The following ATAD3C variants were observed in gnomAD, a reference collection of about 807,000 sequenced individuals.
ATAD3C encodes ATPase family AAA domain containing 3C.
ATAD3C carries 38 observed loss-of-function variants against 46.3 expected under a neutral mutation model. That is an observed-to-expected ratio of 0.82 (90% CI 0.63 to 1.08). The LOEUF (loss-of-function observed/expected upper bound fraction) is 1.08. Among genes scored for constraint, ATAD3C ranks in the 50% least tolerant of loss-of-function variants. The pLI is 0.00. For synonymous variants in ATAD3C, 220 were observed against 236.4 expected (o/e 0.93, Z 0.63); for missense variants, 563 against 572.7 (o/e 0.98, Z 0.17).
At chr1:1,461,726 T>TCCTCATGAGACCCCCATGTGGGGAC (rs1557780623) in intron 10 of ATAD3C, among the ~76,000 whole-genome samples, 3 of 109,676 alleles carry the variant, frequency 2.7e-5, no homozygotes, top group East Asian at 4.3e-4. Context: ...CATGTAGGGA[T>TCCTCATGAGACCCCCATGTGGGGAC]TGGAGGGAGA....
At chr1:1,461,792 C>G (rs1162612610) in intron 10 of ATAD3C, among the ~76,000 whole-genome samples, 1 of 152,098 alleles carries the variant, frequency 6.6e-6, no homozygotes, top group Non-Finnish European at 1.5e-5. Context: ...TCATGGTCCA[C>G]TGCTGGCTTC....
chr1:1,455,800 G>A lies in ATAD3C; in HGVS notation c.448G>A (p.Glu150Lys). The A allele has an allele frequency of 1.2e-6, 2 of 1,613,376 alleles. No individual in the cohort carries two copies. The highest frequency in any genetic ancestry group is 1.7e-6 in the Non-Finnish European group (2 of 1,179,680). The change falls in exon 6 of 12, where the codon GAA becomes AAA. Residue 150 changes from glutamate (E) to lysine (K), a missense_variant. Physicochemically the swap from Glu to Lys is moderately conservative, Grantham distance 56. This residue lies in a region of ATAD3C where 263 missense variants were observed against 243.1 expected (regional missense o/e 1.08). Transcript: ENST00000378785. Reference sequence around the variant, plus strand: ...CTGTCTTCCTCGGCAGCCCAGCCTGGAAGCACGGGTGCGCGACATCGCCAT... The same window carrying A: ...CTGTCTTCCTCGGCAGCCCAGCCTGAAAGCACGGGTGCGCGACATCGCCAT... ...LEGVVLSPSL[E>K]ARVRDIAIMT...
rs937021905 is a variant in ATAD3C at position 1,450,344 on chromosome 1, A to C, written c.-340A>C. 3 of 234,826 alleles carry C rather than the reference A, an allele frequency of 1.3e-5. No individual in the cohort carries two copies. The highest frequency in any genetic ancestry group is 4.7e-5 in the African/African-American group (2 of 42,718). The allele number at this position is 234,826 out of a possible 1,614,324, so 14.5% of individuals were successfully genotyped here. A position where few individuals can be genotyped will look rare whatever the true frequency, so the allele number is the denominator to read the frequency against. ...TCTCAAAAAAAAAAAAAAAAAAAGCATGTGTAACGTGAAAAAATGGACACT... is the reference window on the plus strand; with the variant it reads ...TCTCAAAAAAAAAAAAAAAAAAAGCCTGTGTAACGTGAAAAAATGGACACT... On this transcript the variant is annotated 5_prime_UTR_variant, in exon 1 of 12. It removes an upstream start codon present in the reference 5' UTR. Transcript: ENST00000378785.
Position 1,463,083 on chromosome 1 carries a change from G to C in ATAD3C, c.1089+375G>C, listed in dbSNP as rs190887792. Among the ~76,000 whole-genome samples the C allele has an allele frequency of 1.2e-3, 177 of 152,182 alleles. 3 individuals carry two copies. Among genetic ancestry groups the C allele is most frequent in the Non-Finnish European group, 6.3e-4 (43 of 67,964 alleles). On this transcript the variant is annotated intron_variant, in intron 11 of 11. Coordinates refer to ENST00000378785, the MANE Select transcript of ATAD3C (RefSeq NM_001039211.3). ...TGTGAGTTTGGTGGTGGGGGTGGAG[G>C]GACGTTGTGTTTCTTGGACCAAGTC... is the stretch of plus-strand genomic sequence containing the variant.
intron 8 of ATAD3C, among the ~76,000 whole-genome samples, chr1:1,458,265 T>A (rs560172151): frequency 2.0e-5 from 3 of 151,206 alleles, no homozygotes; most frequent in Non-Finnish European, 4.4e-5. Flanking sequence ...ACATGCGTGA[T>A]CCACCACCCC....
intron 5 of ATAD3C, 22 bp downstream of exon 5, chr1:1,455,541 C>T (rs533700789): frequency 3.4e-5 from 55 of 1,612,184 alleles, no homozygotes; most frequent in African/African-American, 2.0e-4. Flanking sequence ...TGCCTGGGAC[C>T]GGGGAGGCGC....
Position 1,468,648 on chromosome 1 carries a change from G to T in ATAD3C, c.*118G>T, listed in dbSNP as rs368768870. The T allele has an allele frequency of 3.5e-5, 54 of 1,562,050 alleles. 1 individual carries two copies. In the Middle Eastern group the frequency reaches 5.9e-4, roughly 17 times the overall value. On this transcript the variant is annotated 3_prime_UTR_variant, in exon 12 of 12. Coordinates refer to ENST00000378785, the MANE Select transcript of ATAD3C (RefSeq NM_001039211.3). ...AATAAAGTCCCACGGGGGCCGCACC[G>T]CTGTGTCTATTGGCTGACACGGGGC...
Position 1,457,048 on chromosome 1 carries a change from C to T in ATAD3C, c.690-81C>T, listed in dbSNP as rs1371882509. 2.5e-6 allele frequency: 4 copies of T among 1,592,588 alleles called. No homozygotes were observed. The East Asian group carries it at 8.9e-5, about 36-fold the overall frequency. ...CCCCGTGGGGATCTGCCTGCTTGGC[C>T]TGCTCCTGCCATGGCCGGACGCCGC... On this transcript the variant is annotated intron_variant, in intron 7 of 11. Transcript: ENST00000378785.
rs545246325 is a variant in ATAD3C at position 1,466,835 on chromosome 1, TGTG to T, written c.1090-1545_1090-1543del. The stretch of plus-strand genomic sequence containing the variant: ...AGGGATATTGGCATGTCATTTTTCT[TGTG>T]GTGTCTTTGGCTTTGATATGAGGGT... On this transcript the variant is annotated intron_variant, in intron 11 of 11. Coordinates refer to ENST00000378785, the MANE Select transcript of ATAD3C (RefSeq NM_001039211.3). Among the ~76,000 whole-genome samples the T allele has an allele frequency of 2.1e-3, 319 of 152,074 alleles. 2 individuals are homozygous for T. The highest frequency in any genetic ancestry group is 7.2e-3 in the African/African-American group (300 of 41,500).
chr1:1,459,146 A>G lies in ATAD3C; in HGVS notation c.742-15A>G. On this transcript the variant is annotated splice_polypyrimidine_tract_variant and intron_variant, in intron 8 of 11. Transcript: ENST00000378785. The surrounding 1 kb of genome is among the most constrained non-coding windows in gnomAD (Gnocchi z 4.9). Reference sequence around the variant, plus strand: ...TTTGCTCCTGGTGCCTAAGGCTGGAACCTTCTCTCTGCAGGAGAAGATAAG... The same window carrying G: ...TTTGCTCCTGGTGCCTAAGGCTGGAGCCTTCTCTCTGCAGGAGAAGATAAG... 6.2e-7 allele frequency: 1 copy of G among 1,607,048 alleles called. No homozygotes were observed. Among genetic ancestry groups the G allele is most frequent in the Non-Finnish European group, 8.5e-7 (1 of 1,176,966 alleles).
At position 1,449,712 on chromosome 1, in the gene ATAD3C, C is replaced by G. The variant is rs1638822071; in HGVS notation, c.-972C>G. 1 of 151,926 alleles carries G rather than the reference C, an allele frequency of 6.6e-6. No individual in the cohort carries two copies. The highest frequency in any genetic ancestry group is 2.4e-5 in the African/African-American group (1 of 41,402). The allele number at this position is 151,926 out of a possible 1,614,324, so 9.4% of individuals were successfully genotyped here. On this transcript the variant is annotated 5_prime_UTR_variant, in exon 1 of 12. Coordinates refer to ENST00000378785, the MANE Select transcript of ATAD3C (RefSeq NM_001039211.3). ...CCCTTCATGATTAACTCCCCAAGGT[C>G]CTGCATATTTTCTCAATGGGCCACC... is the stretch of plus-strand genomic sequence containing the variant.
At chr1:1,455,049 A>AC (rs1348814093) in intron 4 of ATAD3C, among the ~76,000 whole-genome samples, 1 of 150,726 alleles carries the variant, frequency 6.6e-6, no homozygotes, top group Non-Finnish European at 1.5e-5. Context: ...CCCCATCTCT[A>AC]CTAAAAAAAT....
intron 11 of ATAD3C, among the ~76,000 whole-genome samples, chr1:1,463,262 G>A (rs942703597): frequency 1.3e-5 from 2 of 152,040 alleles, no homozygotes; most frequent in Admixed American, 1.3e-4. Flanking sequence ...GTGTGGGCAC[G>A]GCCATCCAGA....
chr1:1,453,506 T>C (rs1638898909), intron 3 of ATAD3C, among the ~76,000 whole-genome samples: 1 of 151,908 alleles, frequency 6.6e-6, no homozygotes, highest in Non-Finnish European at 1.5e-5. Flanking sequence ...CCGGCCAATT[T>C]TTGTATTTAT....
chr1:1,458,635 C>T (rs1221322207), intron 8 of ATAD3C, among the ~76,000 whole-genome samples: 1 of 151,742 alleles, frequency 6.6e-6, no homozygotes, highest in African/African-American at 2.4e-5. Context: ...GTTGCCCAGG[C>T]TGGGCTCGAA....
chr1:1,468,129 C>G (rs529408424), intron 11 of ATAD3C, among the ~76,000 whole-genome samples: 8 of 152,072 alleles, frequency 5.3e-5, no homozygotes, highest in Admixed American at 6.6e-5. Flanking sequence ...AGTGAGGCTC[C>G]GCCTTGGGCT....
chr1:1,457,661 C>CT (rs1638989426), intron 8 of ATAD3C, among the ~76,000 whole-genome samples: 1 of 139,734 alleles, frequency 7.2e-6, no homozygotes, highest in Non-Finnish European at 1.5e-5. Context: ...TAAGGTTTGG[C>CT]TTTTGAGTGT....
intron 5 of ATAD3C, 85 bp from the exon 6 acceptor site, chr1:1,455,706 C>A (rs1489034225): frequency 6.3e-7 from 1 of 1,587,262 alleles, no homozygotes; most frequent in Non-Finnish European, 8.6e-7. Flanking sequence ...GAGCGGAGTC[C>A]ACACCCAGGC....
chr1:1,465,361 G>A (rs994750137), intron 11 of ATAD3C, among the ~76,000 whole-genome samples: 1 of 151,434 alleles, frequency 6.6e-6, no homozygotes, highest in Admixed American at 6.6e-5. Context: ...GGAGGCTGAG[G>A]TGGGTGGATC....
Sources: allele counts gnomAD v4.1 joint callset (sites outside exome capture counted in the v4.1 genomes callset), GRCh38; gene constraint gnomAD v4.1.1; regional missense constraint gnomAD v4.1.1; non-coding constraint Gnocchi (gnomAD v3.1); transcripts MANE v1.5; gene names NCBI Gene and HGNC (gene_info 2026-07-23, HGNC 2026-07-21).